Variants in ZNF568 observed in about 807,000 individuals in gnomAD.
ZNF568 encodes p53 inhibitor of SCO2 activation.
In ZNF568, 11 loss-of-function variants were observed where a neutral mutation model predicts 18.1. The ratio of observed to expected loss-of-function variants is 0.61; its 90% CI spans 0.38 to 1.00. The LOEUF (loss-of-function observed/expected upper bound fraction) is 1.00, where lower values mean the gene tolerates loss of function less well. Among genes scored for constraint, ZNF568 ranks in the 50% least tolerant of loss-of-function variants. ZNF568 has a pLI of 0.01. For synonymous variants in ZNF568, 213 were observed against 246.6 expected, an observed-to-expected ratio of 0.86 and a Z score of 1.28; for missense variants, 639 against 768.2, an observed-to-expected ratio of 0.83 and a Z score of 1.99.
chr19:36,950,154 A>G lies in ZNF568; in HGVS notation c.1001A>G (p.Tyr334Cys), dbSNP rs558708701. The change falls in exon 7 of 7, where the codon TAT becomes TGT. Residue 334 changes from tyrosine (Y) to cysteine (C), a missense_variant. Transcript: ENST00000333987. ...HERIHTGEKP[Y>C]ECKECGKSFS... ...CGAATTCACACTGGAGAGAAACCCT[A>G]TGAATGTAAGGAATGTGGGAAATCC... 4.0e-5 allele frequency: 64 copies of G among 1,613,966 alleles called. No individual in the cohort carries two copies. Among genetic ancestry groups the G allele is most frequent in the Non-Finnish European group, 5.4e-5 (64 of 1,179,942 alleles).
At chr19:36,932,261 A>C (rs1376144466) in intron 4 of ZNF568, among the ~76,000 whole-genome samples, 1 of 152,212 alleles carries the variant, frequency 6.6e-6, no homozygotes, top group African/African-American at 2.4e-5. Flanking sequence ...TTGCTAGATC[A>C]TATGGCAACT....
At chr19:36,968,886 T>C (rs972856273) in intron 6 of ZNF568, among the ~76,000 whole-genome samples, 8 of 151,960 alleles carry the variant, frequency 5.3e-5, no homozygotes, top group African/African-American at 1.9e-4. Flanking sequence ...TTCAGAGTCT[T>C]GCTCTGTCCC....
At chr19:36,927,726 G>A (rs1384610560) in intron 4 of ZNF568, among the ~76,000 whole-genome samples, 3 of 149,392 alleles carry the variant, frequency 2.0e-5, no homozygotes, top group Non-Finnish European at 4.4e-5. Flanking sequence ...AGTTTATCTA[G>A]TTCTAGGAAG....
chr19:36,928,266 C>T (rs2073619142), intron 4 of ZNF568, among the ~76,000 whole-genome samples: 1 of 151,728 alleles, frequency 6.6e-6, no homozygotes, highest in African/African-American at 2.4e-5. Context: ...TTAAGGGAAT[C>T]TATTAATATA....
At chr19:36,968,708 A>G (rs62113163) in intron 6 of ZNF568, among the ~76,000 whole-genome samples, 114 of 151,530 alleles carry the variant, frequency 7.5e-4, no homozygotes, top group Non-Finnish European at 1.6e-3. Context: ...AAGTGATCAA[A>G]TTGGCTCACT....
At position 36,950,647 on chromosome 19, in the gene ZNF568, T is replaced by C; in HGVS notation, c.1494T>C (p.Gly498=). Residue 498 remains glycine (G), a synonymous_variant, in exon 7 of 7, where the codon GGT becomes GGC. Transcript: ENST00000333987. The part of the protein sequence containing the change: ...NLIRHQRIHT[G]EKPYACTVCG... ...TTCGACACCAGAGAATTCATACGGGTGAGAAACCCTATGCATGTACAGTAT... is the reference window on the plus strand; with the variant it reads ...TTCGACACCAGAGAATTCATACGGGCGAGAAACCCTATGCATGTACAGTAT... 6.2e-7 allele frequency: 1 copy of C among 1,613,868 alleles called. No homozygotes were observed. The highest frequency in any genetic ancestry group is 8.5e-7 in the Non-Finnish European group (1 of 1,179,920).
intron 4 of ZNF568, among the ~76,000 whole-genome samples, chr19:36,933,207 A>G (rs2073717925): frequency 7.5e-6 from 1 of 133,800 alleles, no homozygotes; most frequent in Admixed American, 7.9e-5. Context: ...TAACCTTTGT[A>G]TACGGCATGA....
intron 6 of ZNF568, among the ~76,000 whole-genome samples, chr19:36,971,941 G>T (rs1185341775): frequency 6.8e-6 from 1 of 146,242 alleles, no homozygotes; most frequent in Non-Finnish European, 1.5e-5. Flanking sequence ...CCAGATTCAA[G>T]GTATTCTCTT....
At chr19:36,973,570 T>C (rs754383072) in intron 6 of ZNF568, 12 of 153,390 alleles carry the variant, frequency 7.8e-5, no homozygotes, top group Non-Finnish European at 7.3e-5. Flanking sequence ...TGGAGCGGTC[T>C]GGGAATGTTA....
intron 4 of ZNF568, among the ~76,000 whole-genome samples, chr19:36,926,174 C>CT (rs11403627): frequency 0.19 from 29,057 of 152,054 alleles, 2,903 homozygotes; most frequent in African/African-American, 0.26. Flanking sequence ...CTTTTCACAT[C>CT]TTTTTTATGG....
chr19:36,946,599 C>A (rs1600812676), intron 6 of ZNF568, among the ~76,000 whole-genome samples: 1 of 140,614 alleles, frequency 7.1e-6, no homozygotes, highest in African/African-American at 2.6e-5. Flanking sequence ...TTCCAAAATT[C>A]TAAATTTTAA....
At chr19:36,933,916 G>GTTTT (rs1243440418) in intron 4 of ZNF568, among the ~76,000 whole-genome samples, 4 of 20,700 alleles carry the variant, frequency 1.9e-4, no homozygotes, top group Non-Finnish European at 3.7e-4. Flanking sequence ...TTTTTGTTTT[G>GTTTT]TTTTTTTGTT....
chr19:36,965,758 A>C (rs149710445), intron 6 of ZNF568, among the ~76,000 whole-genome samples: 2 of 145,710 alleles, frequency 1.4e-5, no homozygotes, highest in African/African-American at 5.1e-5. Flanking sequence ...CTGGAGTGCA[A>C]TGGCGTGATC....
chr19:36,938,214 G>A (rs1001570370), intron 6 of ZNF568, among the ~76,000 whole-genome samples: 7 of 152,050 alleles, frequency 4.6e-5, no homozygotes, highest in Non-Finnish European at 7.4e-5. Context: ...TTTAGAAATG[G>A]AGCTTTCCAA....
intron 6 of ZNF568, among the ~76,000 whole-genome samples, chr19:36,962,312 TAAGACCCCCTTGAGCTTTTCTTTC>T: frequency 1.5e-5 from 2 of 133,776 alleles, no homozygotes; most frequent in Admixed American, 7.8e-5. Context: ...CTTCCAGGTT[TAAGACCCCCTTGAGCTTTTCTTTC>T]TTTTTTTTTT....
chr19:36,971,263 T>TG (rs1040166333), intron 6 of ZNF568, among the ~76,000 whole-genome samples: 4 of 127,984 alleles, frequency 3.1e-5, no homozygotes, highest in South Asian at 2.4e-4. Flanking sequence ...AAACTCTTTA[T>TG]GTTTTTTTTT....
chr19:36,982,325 C>T (rs1443619848), downstream of ZNF568, among the ~76,000 whole-genome samples: 2 of 152,032 alleles, frequency 1.3e-5, no homozygotes, highest in Admixed American at 6.6e-5. Flanking sequence ...AGGTTAGGGA[C>T]GTTGCTTTTT....
downstream of ZNF568, among the ~76,000 whole-genome samples, chr19:36,984,042 G>A (rs2074354474): frequency 6.6e-6 from 1 of 151,870 alleles, no homozygotes; most frequent in South Asian, 2.1e-4. Flanking sequence ...GGGATTACAG[G>A]TGCATGCCGC....
intron 6 of ZNF568, among the ~76,000 whole-genome samples, chr19:36,962,238 TA>T (rs2074157285): frequency 6.6e-6 from 1 of 150,544 alleles, no homozygotes; most frequent in Non-Finnish European, 1.5e-5. Flanking sequence ...CAGTGAGTTT[TA>T]TAGTTTACCT....
Sources: allele counts gnomAD v4.1 joint callset (sites outside exome capture counted in the v4.1 genomes callset), GRCh38; gene constraint gnomAD v4.1.1; transcripts MANE v1.5; gene names NCBI Gene and HGNC (gene_info 2026-07-23, HGNC 2026-07-21).